Variants in THSD4 observed in about 807,000 individuals in gnomAD.
THSD4 encodes the protein thrombospondin type-1 domain-containing protein 4.
THSD4 carries 69 observed loss-of-function variants against 119.0 expected under a neutral mutation model. The observed-to-expected ratio is 0.58, with a 90% confidence interval of 0.48 to 0.71. The LOEUF (loss-of-function observed/expected upper bound fraction) is 0.71, where lower values mean the gene tolerates loss of function less well. THSD4 is among the 30% of genes least tolerant of loss of function. THSD4 has a pLI of 0.00. For missense variants in THSD4, 1,393 were observed against 1,391.1 expected (o/e 1.00, Z -0.02); for synonymous variants, 524 against 540.4 (o/e 0.97, Z 0.42).
At chr15:71,427,149 G>A (rs1454615810) in intron 7 of THSD4, among the ~76,000 whole-genome samples, 2 of 150,944 alleles carry the variant, frequency 1.3e-5, no homozygotes, top group Non-Finnish European at 3.0e-5. Context: ...TAAAAACCCT[G>A]TTTAGATTTC....
At chr15:71,750,178 C>T (rs1364613407) in intron 14 of THSD4, among the ~76,000 whole-genome samples, 1 of 152,168 alleles carries the variant, frequency 6.6e-6, no homozygotes, top group Non-Finnish European at 1.5e-5. Flanking sequence ...GCCCCCACCC[C>T]GTCCCCACTC....
chr15:71,314,085 A>G (rs1280127591), intron 6 of THSD4, among the ~76,000 whole-genome samples: 1 of 152,200 alleles, frequency 6.6e-6, no homozygotes, highest in African/African-American at 2.4e-5. Context: ...GAGAATGTTT[A>G]TCCTAAGAAG....
At chr15:71,284,486 G>A (rs1271401387) in intron 6 of THSD4, among the ~76,000 whole-genome samples, 2 of 152,088 alleles carry the variant, frequency 1.3e-5, no homozygotes, top group East Asian at 1.9e-4. Context: ...TAGGAATTTC[G>A]GTAGGTATTT....
At chr15:71,172,996 T>C (rs991771407) in intron 3 of THSD4, among the ~76,000 whole-genome samples, 5 of 151,860 alleles carry the variant, frequency 3.3e-5, no homozygotes, top group African/African-American at 1.2e-4. Context: ...GCCACTTCTA[T>C]TTAACACAGC....
At chr15:71,360,144 A>G (rs2045873397) in intron 6 of THSD4, among the ~76,000 whole-genome samples, 1 of 152,108 alleles carries the variant, frequency 6.6e-6, no homozygotes, top group African/African-American at 2.4e-5. Context: ...CGTGGGGAAG[A>G]GCTGGGGGCT....
In THSD4 at chr15:71,554,095, G is replaced by T. The variant is rs1372157596; in HGVS notation, c.1153-106435G>T. Among the ~76,000 whole-genome samples the T allele has an allele frequency of 2.8e-4, 38 of 137,578 alleles. No homozygotes were observed. The South Asian group carries it at 4.3e-3, about 15-fold the overall frequency. 90.3% of individuals were successfully genotyped at this position (137,578 alleles called of 152,430 possible). ...TTTCGTTTGTTTTTTGTTTGGTTTG[G>T]TTTTTTTTTTTTCAGATGGAGTCTC... is the stretch of plus-strand genomic sequence containing the variant. On this transcript the variant is annotated intron_variant, in intron 7 of 17. Coordinates refer to ENST00000261862, the MANE Select transcript of THSD4 (RefSeq NM_024817.3).
chr15:71,402,094 GC>G (rs1328480926), intron 6 of THSD4, among the ~76,000 whole-genome samples: 2 of 146,150 alleles, frequency 1.4e-5, no homozygotes, highest in African/African-American at 5.2e-5. Flanking sequence ...ACACACTGGG[GC>G]CTGTCGTGGG....
chr15:71,119,715 G>T (rs1362845393), intron 1 of THSD4, among the ~76,000 whole-genome samples: 1 of 152,236 alleles, frequency 6.6e-6, no homozygotes, highest in Non-Finnish European at 1.5e-5. Context: ...GCCCCAAGTT[G>T]CTTGGTTTGG....
At chr15:71,355,202 T>G (rs1406504020) in intron 6 of THSD4, among the ~76,000 whole-genome samples, 1 of 152,200 alleles carries the variant, frequency 6.6e-6, no homozygotes, top group Non-Finnish European at 1.5e-5. Flanking sequence ...AATAAAGGTT[T>G]TCCTGGAGCA....
intron 7 of THSD4, among the ~76,000 whole-genome samples, chr15:71,587,288 A>T (rs2049690556): frequency 7.8e-6 from 1 of 128,364 alleles, no homozygotes; most frequent in Non-Finnish European, 1.7e-5. Flanking sequence ...TACCCAAAGG[A>T]CTATAAATCA....
intron 6 of THSD4, among the ~76,000 whole-genome samples, chr15:71,284,019 T>A (rs1160161995): frequency 6.6e-6 from 1 of 152,200 alleles, no homozygotes; most frequent in African/African-American, 2.4e-5. Flanking sequence ...ATTATGTCAG[T>A]ACCATCATAT....
At chr15:71,524,587 CTTTTTTT>C (rs71438517) in intron 7 of THSD4, among the ~76,000 whole-genome samples, 15 of 59,522 alleles carry the variant, frequency 2.5e-4, no homozygotes, top group African/African-American at 4.0e-4. Flanking sequence ...GTTTATGCCT[CTTTTTTT>C]TTTTTTTTTT....
chr15:71,510,057 G>T (rs1474584228), intron 7 of THSD4, among the ~76,000 whole-genome samples: 1 of 152,234 alleles, frequency 6.6e-6, no homozygotes, highest in Admixed American at 6.5e-5. Flanking sequence ...AGGAGGTAAT[G>T]AATAACCCTA....
chr15:71,547,248 G>A, intron 7 of THSD4: 2 of 1,409,918 alleles, frequency 1.4e-6, no homozygotes, highest in South Asian at 3.3e-5. Context: ...AACAGAGGCT[G>A]AGCTCGAAGC....
intron 6 of THSD4, among the ~76,000 whole-genome samples, chr15:71,396,088 G>A (rs770136759): frequency 1.3e-5 from 2 of 152,042 alleles, no homozygotes; most frequent in Non-Finnish European, 2.9e-5. Context: ...CTTTGGCCGT[G>A]TACCAATAGA....
chr15:71,300,616 C>A (rs564064846), intron 6 of THSD4, among the ~76,000 whole-genome samples: 1 of 152,282 alleles, frequency 6.6e-6, no homozygotes, highest in Admixed American at 6.5e-5. Flanking sequence ...TATCAATCCC[C>A]CTCAAAATTA....
At chr15:71,438,414 A>G (rs2047044994) in intron 7 of THSD4, among the ~76,000 whole-genome samples, 1 of 152,180 alleles carries the variant, frequency 6.6e-6, no homozygotes, top group South Asian at 2.1e-4. Context: ...ATTTTATGTC[A>G]TAGAAAGACC....
At chr15:71,503,167 T>C (rs956889045) in intron 7 of THSD4, among the ~76,000 whole-genome samples, 1 of 152,160 alleles carries the variant, frequency 6.6e-6, no homozygotes, top group African/African-American at 2.4e-5. Context: ...ACATGAAGCC[T>C]TGTGAAGATC....
Position 71,243,166 on chromosome 15 carries a change from C to G in THSD4, c.912+70C>G, listed in dbSNP as rs1003282047. On this transcript the variant is annotated intron_variant, in intron 5 of 17. Coordinates refer to ENST00000261862, the MANE Select transcript of THSD4 (RefSeq NM_024817.3). The stretch of plus-strand genomic sequence containing the variant: ...CGTTTTTCTGTCATTTGGCACTAAG[C>G]ATGATGAAGACAGCAAGGATATGGT... 2.0e-5 allele frequency: 30 copies of G among 1,481,128 alleles called. No individual in the cohort carries two copies. In the African/African-American group the frequency reaches 4.2e-4, roughly 21 times the overall value. The allele number at this position is 1,481,128 out of a possible 1,614,324, so 91.7% of individuals were successfully genotyped here.
Sources: gnomAD v4.1 joint callset for allele counts (sites outside exome capture counted in the v4.1 genomes callset) on GRCh38, gnomAD v4.1.1 for gene constraint, MANE v1.5 for transcripts, NCBI Gene and HGNC (gene_info 2026-07-23, HGNC 2026-07-21) for gene names.